Variants in INSR observed in about 807,000 individuals in gnomAD.
The protein encoded by INSR is insulin receptor.
In INSR, 67 loss-of-function variants were observed where a neutral mutation model predicts 142.6. That is an observed-to-expected ratio of 0.47 (90% CI 0.39 to 0.58). The LOEUF (loss-of-function observed/expected upper bound fraction) is 0.58, where lower values mean the gene tolerates loss of function less well. INSR is among the 20% of genes least tolerant of loss of function. The pLI is 0.00. For missense variants in INSR, 1,248 were observed against 1,833.2 expected (o/e 0.68, Z 5.83); for synonymous variants, 756 against 743.1 (o/e 1.02, Z -0.28).
rs1278874966 is a variant in INSR at position 7,166,910 on chromosome 19, C to T, written c.1611-506G>A. On this transcript the variant is annotated intron_variant, in intron 7 of 21. Transcript: ENST00000302850. This position sits in a 1 kb window ranked among gnomAD's most constrained non-coding sequence, Gnocchi z 4.1. The stretch of plus-strand genomic sequence containing the variant: ...CTCCAGCCTGGGCGACAAAGGGAGA[C>T]TCTGTTTCAAAAACATAAATAAATA... Among the ~76,000 whole-genome samples, 1 of 150,426 alleles carries T rather than the reference C, an allele frequency of 6.6e-6. No homozygotes were observed. Among genetic ancestry groups the T allele is most frequent in the Non-Finnish European group, 1.5e-5 (1 of 67,760 alleles).
In INSR at chr19:7,117,118, G is replaced by T. The variant is rs1972351233; in HGVS notation, c.4087C>A (p.His1363Asn). The T allele has an allele frequency of 1.9e-6, 3 of 1,614,154 alleles. No homozygotes were observed. Among genetic ancestry groups the T allele is most frequent in the Non-Finnish European group, 2.5e-6 (3 of 1,180,020 alleles). ...CCGTTTTTCTTGCCTCCGTTCATGT[G>T]TGTGTAAGGGATGTGTTCCTCGTAG... is the stretch of plus-strand genomic sequence containing the variant. ...RSYEEHIPYT[H>N]MNGGKKNGRI... Residue 1363 changes from histidine to asparagine, a missense_variant, in exon 22 of 22, where the codon CAC becomes AAC. By Grantham distance (68) the His-to-Asn change is moderately conservative. Around this residue, in one of 3 missense-constraint regions of INSR, gnomAD observed 122 missense variants for 129.8 expected, o/e 0.94. Transcript: ENST00000302850.
Position 7,119,661 on chromosome 19 carries a change from C to G in INSR, c.3660-78G>C. ...ACACGCGCGCGCGCAAACACACACA[C>G]GCAAACGCACACACACACGCAAACA... On this transcript the variant is annotated intron_variant, in intron 20 of 21. Transcript: ENST00000302850. The surrounding 1 kb of genome is among the most constrained non-coding windows in gnomAD (Gnocchi z 5.2). 2 of 1,506,170 alleles carry G rather than the reference C, an allele frequency of 1.3e-6. No individual in the cohort carries two copies. Among genetic ancestry groups the G allele is most frequent in the Non-Finnish European group, 9.1e-7 (1 of 1,093,816 alleles). 93.3% of individuals were successfully genotyped at this position (1,506,170 alleles called of 1,614,324 possible).
chr19:7,272,193 C>T (rs1420822911), intron 1 of INSR, among the ~76,000 whole-genome samples: 2 of 152,088 alleles, frequency 1.3e-5, no homozygotes, highest in Non-Finnish European at 2.9e-5. Flanking sequence ...GTAGTCCCAG[C>T]TACTTGGGAA....
chr19:7,229,846 G>C (rs1222203949), intron 2 of INSR, among the ~76,000 whole-genome samples: 1 of 145,764 alleles, frequency 6.9e-6, no homozygotes, highest in East Asian at 2.0e-4. Context: ...GCTCACTGCA[G>C]CCTCGAACTC....
intron 3 of INSR, among the ~76,000 whole-genome samples, chr19:7,177,425 T>C (rs1974158797): frequency 6.6e-6 from 1 of 152,186 alleles, no homozygotes; most frequent in Non-Finnish European, 1.5e-5. Context: ...CGCTTAAGCT[T>C]CTTGATACAG....
chr19:7,182,452 G>T (rs758036226), intron 3 of INSR, among the ~76,000 whole-genome samples: 1 of 152,192 alleles, frequency 6.6e-6, no homozygotes, highest in Non-Finnish European at 1.5e-5. Flanking sequence ...GGCAGAGGTT[G>T]CAGTGAGCTG....
chr19:7,122,809 A>G (rs1467048345), intron 18 of INSR, 36 bp from the exon 19 acceptor site: 5 of 1,614,006 alleles, frequency 3.1e-6, no homozygotes, highest in Non-Finnish European at 3.4e-6. Flanking sequence ...TTTCAGCAGC[A>G]CTGGGATCCG....
At chr19:7,126,483 G>T in intron 16 of INSR, 101 bp downstream of exon 16, 1 of 1,077,050 alleles carries the variant, frequency 9.3e-7, no homozygotes, top group Non-Finnish European at 1.4e-6. Flanking sequence ...GCTTTTCTTG[G>T]CCTCCCTGGG....
At chr19:7,133,873 CATAA>C (rs1227075672) in intron 13 of INSR, among the ~76,000 whole-genome samples, 1 of 146,298 alleles carries the variant, frequency 6.8e-6, no homozygotes, top group African/African-American at 2.5e-5. Context: ...AAAATAAATA[CATAA>C]ATAAATAAAA....
chr19:7,117,294 A>T lies in INSR; in HGVS notation c.3911T>A (p.Phe1304Tyr). 1 of 1,614,106 alleles carries T rather than the reference A, an allele frequency of 6.2e-7. No homozygotes were observed. Among genetic ancestry groups the T allele is most frequent in the Non-Finnish European group, 8.5e-7 (1 of 1,180,010 alleles). Residue 1304 changes from phenylalanine (F) to tyrosine (Y), a missense_variant, in exon 22 of 22, where the codon TTC becomes TAC. By Grantham distance (22) the Phe-to-Tyr change is conservative. Coordinates refer to ENST00000302850, the MANE Select transcript of INSR (RefSeq NM_000208.4). ...GGGAGCCTTGTTCTCCTCGCTGTGG[A>T]AGAACGACACCTCTGGAAAGCTGGG... ...LHPSFPEVSF[F>Y]HSEENKAPES...
chr19:7,270,405 G>A (rs1263973660), intron 1 of INSR, among the ~76,000 whole-genome samples: 4 of 144,038 alleles, frequency 2.8e-5, no homozygotes, highest in Non-Finnish European at 4.5e-5. Context: ...ACACTTGGCC[G>A]CCATCCTCCC....
At chr19:7,269,376 AACACACACACACAC>A (rs60776874) in intron 1 of INSR, among the ~76,000 whole-genome samples, 6,087 of 134,714 alleles carry the variant, frequency 0.045, 388 homozygotes, top group African/African-American at 0.14. Context: ...AAGTCGAGAA[AACACACACACACAC>A]ACACACACAC....
intron 2 of INSR, among the ~76,000 whole-genome samples, chr19:7,226,359 A>G (rs1009368616): frequency 3.5e-5 from 5 of 140,950 alleles, no homozygotes; most frequent in African/African-American, 1.3e-4. Flanking sequence ...GCAGTGAGCC[A>G]AGATCGCACC....
chr19:7,180,320 A>T (rs140912521), intron 3 of INSR, among the ~76,000 whole-genome samples: 1 of 152,044 alleles, frequency 6.6e-6, no homozygotes, highest in Admixed American at 6.6e-5. Context: ...ACTTAAACCC[A>T]GGAGTTCAAG....
chr19:7,251,161 A>G (rs1341338400), intron 2 of INSR, among the ~76,000 whole-genome samples: 11 of 151,760 alleles, frequency 7.2e-5, no homozygotes, highest in African/African-American at 2.4e-4. Context: ...CAACCAAAAA[A>G]TATCTCCAGA....
chr19:7,174,633 C>T lies in INSR; in HGVS notation c.1073G>A (p.Arg358Gln), dbSNP rs761029065. The part of the protein sequence containing the change: ...IDSVTSAQEL[R>Q]GCTVINGSLI... ...ACTCCCGTTGATGACGGTGCATCCTCGGAGCTCCTGGGCAGACGTCACCGA... is the reference window on the plus strand; with the variant it reads ...ACTCCCGTTGATGACGGTGCATCCTTGGAGCTCCTGGGCAGACGTCACCGA... The change falls in exon 4 of 22, where the codon CGA becomes CAA. Residue 358 changes from arginine to glutamine, a missense_variant. Physicochemically the swap from Arg to Gln is conservative, Grantham distance 43 (BLOSUM62 1). This residue lies in a region of INSR where 1,069 missense variants were observed against 1,654.0 expected (regional missense o/e 0.65). Coordinates refer to ENST00000302850, the MANE Select transcript of INSR (RefSeq NM_000208.4). The T allele has an allele frequency of 2.2e-5, 36 of 1,613,912 alleles. No homozygotes were observed. In the Middle Eastern group the frequency reaches 4.9e-4, roughly 22 times the overall value.
At chr19:7,142,389 C>CAAAAAAAAAAA (rs34453877) in intron 12 of INSR, among the ~76,000 whole-genome samples, 9 of 42,142 alleles carry the variant, frequency 2.1e-4, no homozygotes, top group African/African-American at 5.1e-4. Context: ...GACTTCATCT[C>CAAAAAAAAAAA]AAAAAAAAAA....
rs1212271408 is a variant in INSR, at chr19:7,150,550, A to T, written c.2232-18T>A. ...AGGTTTTTCTGTGGAAACAAAACCA[A>T]CGCCTTTGAGGACAGAGGGAACTTC... On this transcript the variant is annotated intron_variant, in intron 10 of 21. Transcript: ENST00000302850. This position sits in a 1 kb window ranked among gnomAD's most constrained non-coding sequence, Gnocchi z 4.2. 1.2e-6 allele frequency: 2 copies of T among 1,613,956 alleles called. No homozygotes were observed. Among genetic ancestry groups the T allele is most frequent in the South Asian group, 2.2e-5 (2 of 91,036 alleles).
At chr19:7,174,839 TTGTG>T (rs145389093) in intron 3 of INSR, 108 bp from the exon 4 acceptor site, 88 of 1,119,350 alleles carry the variant, frequency 7.9e-5, no homozygotes, top group Non-Finnish European at 9.6e-5. Flanking sequence ...TGGTATTTCT[TTGTG>T]TGTGTGTGTG....
Sources: gnomAD v4.1 joint callset for allele counts (sites outside exome capture counted in the v4.1 genomes callset) on GRCh38, gnomAD v4.1.1 for gene constraint, gnomAD v4.1.1 regional missense constraint, Gnocchi (gnomAD v3.1) non-coding constraint, MANE v1.5 for transcripts, NCBI Gene and HGNC (gene_info 2026-07-23, HGNC 2026-07-21) for gene names.